Variants in CEBPZ observed in about 807,000 individuals in gnomAD.
CEBPZ encodes CCAAT/enhancer-binding protein zeta.
CEBPZ carries 78 observed loss-of-function variants against 104.5 expected under a neutral mutation model. That is an observed-to-expected ratio of 0.75 (90% CI 0.62 to 0.90). The LOEUF (loss-of-function observed/expected upper bound fraction) is 0.90, where lower values mean the gene tolerates loss of function less well. Among genes scored for constraint, CEBPZ ranks in the 40% least tolerant of loss-of-function variants. CEBPZ has a pLI of 0.00. For missense variants in CEBPZ, 1,439 were observed against 1,233.5 expected, an observed-to-expected ratio of 1.17 and a Z score of -2.50; for synonymous variants, 470 against 427.0, an observed-to-expected ratio of 1.10 and a Z score of -1.24.
chr2:37,229,064 C>A, intron 1 of CEBPZ, 28 bp from the exon 2 acceptor site: 2 of 1,433,068 alleles, frequency 1.4e-6, no homozygotes, highest in South Asian at 1.7e-5. Context: ...GTTAAAAATA[C>A]ATTACAAATG....
Position 37,214,883 on chromosome 2 carries a change from T to C in CEBPZ, c.2447+3A>G. ...CCAAATGAAACTATATTATGTATAGTACCTGTGGAAAAACACTTCATCCAC... is the reference window on the plus strand; with the variant it reads ...CCAAATGAAACTATATTATGTATAGCACCTGTGGAAAAACACTTCATCCAC... On this transcript the variant is annotated splice_donor_region_variant and intron_variant, in intron 9 of 15. Transcript: ENST00000234170. The C allele has an allele frequency of 6.3e-7, 1 of 1,593,592 alleles. No homozygotes were observed. Among genetic ancestry groups the C allele is most frequent in the Non-Finnish European group, 8.6e-7 (1 of 1,161,826 alleles).
chr2:37,224,875 A>G (rs1664846697), intron 2 of CEBPZ, among the ~76,000 whole-genome samples: 1 of 152,234 alleles, frequency 6.6e-6, no homozygotes, highest in East Asian at 1.9e-4. Flanking sequence ...GCTTTTGGCA[A>G]ATAGTAATTT....
At chr2:37,212,560 C>T (rs1436239805) in intron 10 of CEBPZ, 168 bp from the exon 11 acceptor site, 1 of 598,014 alleles carries the variant, frequency 1.7e-6, no homozygotes, top group Non-Finnish European at 2.9e-6. Context: ...TGTATACAAA[C>T]CTGTGAAATA....
intron 1 of CEBPZ, among the ~76,000 whole-genome samples, chr2:37,230,608 T>C (rs1049123499): frequency 6.6e-6 from 1 of 152,244 alleles, no homozygotes. Context: ...CTGTTCCTTA[T>C]CTGCTTAAAA....
intron 10 of CEBPZ, 73 bp from the exon 11 acceptor site, chr2:37,212,465 A>T: frequency 1.6e-6 from 2 of 1,268,786 alleles, no homozygotes; most frequent in South Asian, 1.2e-5. Context: ...ATCTGAATCA[A>T]TTATTCTAAG....
At position 37,211,861 on chromosome 2, in the gene CEBPZ, C is replaced by T; in HGVS notation, c.2782G>A (p.Glu928Lys). 3 of 1,602,266 alleles carry T rather than the reference C, an allele frequency of 1.9e-6. No individual in the cohort carries two copies. In the South Asian group the frequency reaches 3.4e-5, roughly 18 times the overall value. ...TGCTTACCTGGAACGCTCTCACTTTCATCATCTAACACATCCATGAATGTT... is the reference window on the plus strand; with the variant it reads ...TGCTTACCTGGAACGCTCTCACTTTTATCATCTAACACATCCATGAATGTT... ...GGTFMDVLDD[E>K]SESVPELEVH... Residue 928 changes from glutamate to lysine, a missense_variant, in exon 12 of 16, where the codon GAA (glutamate) becomes AAA (lysine). Glu to Lys is a moderately conservative substitution (Grantham distance 56, BLOSUM62 1). Coordinates refer to ENST00000234170, the MANE Select transcript of CEBPZ (RefSeq NM_005760.3).
intron 4 of CEBPZ, among the ~76,000 whole-genome samples, chr2:37,220,685 C>T (rs1295023332): frequency 6.6e-6 from 1 of 152,108 alleles, no homozygotes; most frequent in Non-Finnish European, 1.5e-5. Flanking sequence ...CATGTTTATC[C>T]CAAACACCAA....
At chr2:37,221,574 T>G (rs72875745) in intron 4 of CEBPZ, among the ~76,000 whole-genome samples, 3,388 of 152,294 alleles carry the variant, frequency 0.022, 75 homozygotes, top group African/African-American at 0.062. Context: ...TAAAAAAATT[T>G]AAAACAAAGA....
intron 4 of CEBPZ, among the ~76,000 whole-genome samples, chr2:37,221,463 G>A (rs1033889917): frequency 6.6e-6 from 1 of 152,184 alleles, no homozygotes; most frequent in Admixed American, 6.5e-5. Flanking sequence ...GTCTTTTGGA[G>A]CTTTAGAGTG....
intron 8 of CEBPZ, among the ~76,000 whole-genome samples, chr2:37,215,711 G>A (rs2465492): frequency 0.028 from 4,244 of 152,222 alleles, 187 homozygotes; most frequent in African/African-American, 0.096. Context: ...AGGTTATTAA[G>A]TTTAAAATGA....
chr2:37,220,365 A>T lies in CEBPZ; in HGVS notation c.2154+20T>A. 7.9e-7 allele frequency: 1 copy of T among 1,264,090 alleles called. No homozygotes were observed. The highest frequency in any genetic ancestry group is 1.4e-5 in the South Asian group (1 of 71,510). 78.3% of individuals were successfully genotyped at this position (1,264,090 alleles called of 1,614,324 possible). Reference sequence around the variant, plus strand: ...TATATATAGCATAAATGAATAAAAGACAATTTGAAATTATTTTACCTTTTT... The same window carrying T: ...TATATATAGCATAAATGAATAAAAGTCAATTTGAAATTATTTTACCTTTTT... On this transcript the variant is annotated intron_variant, in intron 5 of 15. Transcript: ENST00000234170.
chr2:37,230,333 T>C (rs1360111003), intron 1 of CEBPZ, among the ~76,000 whole-genome samples: 10 of 152,168 alleles, frequency 6.6e-5, no homozygotes, highest in Non-Finnish European at 1.5e-4. Flanking sequence ...GTATATAGTA[T>C]CCCTGAAAGA....
chr2:37,205,654 T>C (rs569307709), intron 13 of CEBPZ, among the ~76,000 whole-genome samples: 1 of 152,320 alleles, frequency 6.6e-6, no homozygotes, highest in South Asian at 2.1e-4. Flanking sequence ...AAAACATTAT[T>C]ATTATTTAAC....
chr2:37,222,241 G>C (rs1255754352), intron 4 of CEBPZ, 139 bp downstream of exon 4: 2 of 640,576 alleles, frequency 3.1e-6, no homozygotes, highest in African/African-American at 1.9e-5. Flanking sequence ...CCGAGATCAC[G>C]CCTCTGCATT....
Position 37,220,448 on chromosome 2 carries a change from A to T in CEBPZ, c.2091T>A (p.Asp697Glu). 6.3e-7 allele frequency: 1 copy of T among 1,598,570 alleles called. No homozygotes were observed. Among genetic ancestry groups the T allele is most frequent in the Non-Finnish European group, 8.5e-7 (1 of 1,170,054 alleles). Residue 697 changes from aspartate to glutamate, a missense_variant, in exon 5 of 16, where the codon GAT becomes GAA. By Grantham distance (45) the Asp-to-Glu change is conservative. Transcript: ENST00000234170. ...LKGGKQLNKY[D>E]PFSRNPLFCG... ...AGAACAGAGGGTTTCTACTGAATGG[A>T]TCGTATTTATTTAACTGTTTCCCAC...
Position 37,223,343 on chromosome 2 carries a change from C to T in CEBPZ, c.1708G>A (p.Val570Ile). The T allele has an allele frequency of 2.5e-6, 4 of 1,614,096 alleles. No homozygotes were observed. Among genetic ancestry groups the T allele is most frequent in the Non-Finnish European group, 3.4e-6 (4 of 1,180,004 alleles). Reference sequence around the variant, plus strand: ...ATGTCAGCTTTCAGAGATTTGTAGACAAGGTTAAGAAACATAGCTTGCTTG... The same window carrying T: ...ATGTCAGCTTTCAGAGATTTGTAGATAAGGTTAAGAAACATAGCTTGCTTG... ...CSKQAMFLNL[V>I]YKSLKADIVL... The change falls in exon 3 of 16, where the codon GTC (valine) becomes ATC (isoleucine). Residue 570 changes from valine to isoleucine, a missense_variant. By Grantham distance (29) the Val-to-Ile change is conservative. Transcript: ENST00000234170.
rs374742140 is a variant in CEBPZ, at chr2:37,228,152, C to T, written c.1041G>A (p.Val347=). The change falls in exon 2 of 16, where the codon GTG becomes GTA. Residue 347 remains valine, a synonymous_variant. Coordinates refer to ENST00000234170, the MANE Select transcript of CEBPZ (RefSeq NM_005760.3). The part of the protein sequence containing the change: ...HQLKHLVAEF[V]QVLETLSHDT... ...CATGACTTAAAGTTTCTAAGACCTG[C>T]ACAAATTCAGCCACTAAGTGTTTCA... 2.5e-6 allele frequency: 4 copies of T among 1,614,052 alleles called. No individual in the cohort carries two copies. The highest frequency in any genetic ancestry group is 1.3e-5 in the African/African-American group (1 of 74,912).
chr2:37,218,614 G>A (rs767393636), intron 5 of CEBPZ, among the ~76,000 whole-genome samples: 1 of 152,066 alleles, frequency 6.6e-6, no homozygotes, highest in African/African-American at 2.4e-5. Context: ...TCAAGAATTT[G>A]TAACATTCAG....
In CEBPZ at chr2:37,223,203, T is replaced by C; in HGVS notation, c.1848A>G (p.Lys616=). 6.2e-7 allele frequency: 1 copy of C among 1,613,938 alleles called. No homozygotes were observed. The highest frequency in any genetic ancestry group is 8.5e-7 in the Non-Finnish European group (1 of 1,179,972). ...CATCTAGTTGGCTTCTTAAACCTGGTTTTGCTTTAAGGATCTCAGACACAA... is the reference window on the plus strand; with the variant it reads ...CATCTAGTTGGCTTCTTAAACCTGGCTTTGCTTTAAGGATCTCAGACACAA... ...LYLVSEILKA[K]PGLRSQLDDH... Residue 616 remains lysine (K), a synonymous_variant, in exon 3 of 16, where the codon AAA becomes AAG. Transcript: ENST00000234170.
Sources: gnomAD v4.1 joint callset for allele counts (sites outside exome capture counted in the v4.1 genomes callset) on GRCh38, gnomAD v4.1.1 for gene constraint, MANE v1.5 for transcripts, NCBI Gene and HGNC (gene_info 2026-07-23, HGNC 2026-07-21) for gene names.